TBC1D8B: variants seen among roughly 807,000 people sequenced by gnomAD.
The protein encoded by TBC1D8B is RP11-321G1.1.
In TBC1D8B, 75 loss-of-function variants were observed where a neutral mutation model predicts 82.9. That is an observed-to-expected ratio of 0.90 (90% confidence interval 0.75 to 1.10). TBC1D8B has a LOEUF of 1.10. Ranked by LOEUF, TBC1D8B falls within the 50% of genes least tolerant of loss-of-function variation. The probability of loss-of-function intolerance (pLI) is 0.00; values close to 1 mark genes in which losing one functional copy is unlikely to be tolerated. For missense variants in TBC1D8B, 794 were observed against 796.9 expected (o/e 1.00, Z 0.04); for synonymous variants, 276 against 276.8 (o/e 1.00, Z 0.03).
chrX:106,869,068 C>T (rs1163825012), intron 18 of TBC1D8B, among the ~76,000 whole-genome samples: 1 of 111,515 alleles, frequency 9.0e-6, no homozygotes, highest in Non-Finnish European at 1.9e-5. Context: ...TAGATAAAGG[C>T]ACTAAGGCCC....
At chrX:106,872,084 G>T (rs1272274728) in intron 20 of TBC1D8B, among the ~76,000 whole-genome samples, 1 of 110,078 alleles carries the variant, frequency 9.1e-6, no homozygotes, top group Non-Finnish European at 1.9e-5. Flanking sequence ...TTCCCCTAAG[G>T]GTATGAGGTA....
At position 106,865,782 on chromosome X, in the gene TBC1D8B, A is replaced by T. The variant is rs780280941; in HGVS notation, c.2422-11A>T. The T allele has an allele frequency of 1.7e-6, 2 of 1,163,839 alleles. No individual in the cohort carries two copies. Among genetic ancestry groups the T allele is most frequent in the Admixed American group, 2.8e-5 (1 of 35,559 alleles). ...AATTAGTAACTTTCCTTTTTTATTT[A>T]TTTTTAATAGAAAGAGCTGTTTTTA... is the stretch of plus-strand genomic sequence containing the variant. On this transcript the variant is annotated splice_polypyrimidine_tract_variant and intron_variant, in intron 15 of 20. Transcript: ENST00000357242.
At chrX:106,836,948 T>G (rs990847302) in intron 7 of TBC1D8B, among the ~76,000 whole-genome samples, 1 of 111,457 alleles carries the variant, frequency 9.0e-6, no homozygotes, top group Non-Finnish European at 1.9e-5. Flanking sequence ...GAAAGAACTA[T>G]TTTCAACAAA....
intron 7 of TBC1D8B, chrX:106,827,629 G>T (rs1053434912): frequency 2.1e-5 from 4 of 195,120 alleles, no homozygotes; most frequent in Non-Finnish European, 3.7e-5. Context: ...ACATAGTTTG[G>T]TTTTTAAGAA....
intron 20 of TBC1D8B, among the ~76,000 whole-genome samples, chrX:106,871,910 G>A (rs767360777): frequency 1.7e-4 from 19 of 111,624 alleles, no homozygotes; most frequent in Non-Finnish European, 2.6e-4. Context: ...GGTCCCAAGC[G>A]CAGGAGCTTC....
At position 106,840,077 on chromosome X, in the gene TBC1D8B, G is replaced by A. The variant is rs772540800; in HGVS notation, c.1383G>A (p.Trp461Ter). 20 of 1,205,324 alleles carry A rather than the reference G, an allele frequency of 1.7e-5. 1 individual carries two copies. In the South Asian group the frequency reaches 2.2e-4, roughly 13 times the overall value. The part of the protein sequence containing the change: ...MLKEKMKEQS[W>*]KILFAECGRG... ...AAGAAAAAATGAAGGAACAGTCATG[G>A]AAAATACTGTTTGCAGAATGTGGAC... Residue 461 changes from tryptophan (W) to a stop codon, truncating the protein, a stop_gained, in exon 9 of 21, where the codon TGG becomes TGA. Transcript: ENST00000357242. LOFTEE classifies it high-confidence loss of function.
intron 1 of TBC1D8B, among the ~76,000 whole-genome samples, chrX:106,817,619 T>G (rs2147728253): frequency 8.9e-6 from 1 of 111,825 alleles, no homozygotes; most frequent in African/African-American, 3.2e-5. Flanking sequence ...TCAGTATGTG[T>G]ATGCACTTAA....
At chrX:106,844,099 AT>A (rs756511195) in intron 10 of TBC1D8B, among the ~76,000 whole-genome samples, 3 of 111,172 alleles carry the variant, frequency 2.7e-5, no homozygotes, top group East Asian at 2.8e-4. Context: ...GTTCTAGTAG[AT>A]TTTTTTGTGG....
At chrX:106,872,461 A>C (rs200552532) in intron 20 of TBC1D8B, among the ~76,000 whole-genome samples, 1 of 8,010 alleles carries the variant, frequency 1.2e-4, no homozygotes, top group Non-Finnish European at 4.4e-4. Flanking sequence ...ATATTTATAT[A>C]TATATATATA....
chrX:106,859,403 C>T (rs1453396981), intron 14 of TBC1D8B, among the ~76,000 whole-genome samples: 1 of 111,065 alleles, frequency 9.0e-6, no homozygotes, highest in Non-Finnish European at 1.9e-5. Context: ...TTTTGTAATC[C>T]CCATTGTAGA....
At chrX:106,824,446 C>T (rs1250090199) in intron 5 of TBC1D8B, among the ~76,000 whole-genome samples, 2 of 111,085 alleles carry the variant, frequency 1.8e-5, no homozygotes, top group African/African-American at 6.5e-5. Context: ...AGCCTCCCTG[C>T]TTTTATGGAA....
At chrX:106,866,723 T>C in intron 16 of TBC1D8B, 74 bp from the exon 17 acceptor site, 1 of 779,291 alleles carries the variant, frequency 1.3e-6, no homozygotes, top group East Asian at 3.5e-5. Context: ...TATATCTTAA[T>C]TAATCTTTGT....
chrX:106,855,585 AATAGTATG>A (rs1370188959), intron 14 of TBC1D8B, among the ~76,000 whole-genome samples: 1 of 112,288 alleles, frequency 8.9e-6, no homozygotes, highest in African/African-American at 3.2e-5. Context: ...TAATGCATTG[AATAGTATG>A]CCATAATATG....
chrX:106,852,493 G>T (rs957917524), intron 12 of TBC1D8B, among the ~76,000 whole-genome samples: 2 of 111,876 alleles, frequency 1.8e-5, no homozygotes, highest in African/African-American at 6.5e-5. Flanking sequence ...GCTTGCACAT[G>T]CCTATGTCCT....
Position 106,848,832 on chromosome X carries a change from C to T in TBC1D8B, c.1837+529C>T, listed in dbSNP as rs116095440. Among the ~76,000 whole-genome samples, 478 of 110,142 alleles carry T rather than the reference C, an allele frequency of 4.3e-3. 3 individuals carry two copies. Among genetic ancestry groups the T allele is most frequent in the African/African-American group, 0.015 (452 of 30,270 alleles). On this transcript the variant is annotated intron_variant, in intron 11 of 20. Transcript: ENST00000357242. ...TTGCTCTGTCGCCCAGGCTGGAGTG[C>T]GGCCTCGGCTTACTGCAAGCTCCAC...
chrX:106,841,008 G>A lies in TBC1D8B; in HGVS notation c.1719+124G>A, dbSNP rs189189536. 1.0e-3 allele frequency: 529 copies of A among 530,498 alleles called. 1 individual carries two copies. Among genetic ancestry groups the A allele is most frequent in the Middle Eastern group, 9.4e-3 (18 of 1,912 alleles). The allele number at this position is 530,498 out of a possible 1,213,427, so 43.7% of individuals were successfully genotyped here. A position where few individuals can be genotyped will look rare whatever the true frequency, so the allele number is the denominator to read the frequency against. ...ATGGGGGTGAGATAGATAGAGCATA[G>A]TATTAATGTAAGTAGGATGGTAGTG... On this transcript the variant is annotated intron_variant, in intron 10 of 20. Coordinates refer to ENST00000357242, the MANE Select transcript of TBC1D8B (RefSeq NM_017752.3).
chrX:106,811,202 T>C (rs1053502564), intron 1 of TBC1D8B, among the ~76,000 whole-genome samples: 12 of 111,137 alleles, frequency 1.1e-4, no homozygotes, highest in African/African-American at 3.6e-4. Context: ...CCCCCTCCCT[T>C]ACTACACTAT....
intron 1 of TBC1D8B, chrX:106,814,460 C>G (rs374755674): frequency 5.6e-5 from 6 of 106,524 alleles, no homozygotes; most frequent in Non-Finnish European, 9.7e-5. Context: ...GGACATTTGG[C>G]TTGGTTCCAA....
chrX:106,840,589 A>G (rs762469504), intron 9 of TBC1D8B, 81 bp from the exon 10 acceptor site: 334 of 908,139 alleles, frequency 3.7e-4, no homozygotes, highest in Admixed American at 5.6e-4. Context: ...CAAGGTAATG[A>G]AATCCAATTA....
Sources: gnomAD v4.1 joint callset for allele counts (sites outside exome capture counted in the v4.1 genomes callset) on GRCh38, gnomAD v4.1.1 for gene constraint, MANE v1.5 for transcripts, NCBI Gene and HGNC (gene_info 2026-07-23, HGNC 2026-07-21) for gene names.